The following CLINT1 variants were observed in gnomAD, a reference collection of about 807,000 sequenced individuals.
CLINT1 encodes the protein clathrin interacting protein localized in the trans-Golgi region.
CLINT1 carries 15 observed loss-of-function variants against 70.4 expected under a neutral mutation model. The ratio of observed to expected loss-of-function variants is 0.21; its 90% CI spans 0.14 to 0.33. The LOEUF is 0.33. Ranked by LOEUF, CLINT1 falls within the 10% of genes least tolerant of loss-of-function variation. The pLI, the probability that CLINT1 is intolerant of heterozygous loss-of-function variation, is 1.00. For missense variants in CLINT1, 615 were observed against 778.1 expected (o/e 0.79, Z 2.49); for synonymous variants, 227 against 254.7 (o/e 0.89, Z 1.04).
At chr5:157,791,513 AATG>A in intron 10 of CLINT1, 187 bp downstream of exon 10, 2 of 581,164 alleles carry the variant, frequency 3.4e-6, no homozygotes, top group Non-Finnish European at 5.9e-6. Flanking sequence ...CCAGAATGCA[AATG>A]ACTATGCTAG....
chr5:157,812,991 T>G lies in CLINT1; in HGVS notation c.517+72A>C. 2.7e-6 allele frequency: 4 copies of G among 1,473,202 alleles called. No homozygotes were observed. In the South Asian group the frequency reaches 5.2e-5, roughly 19 times the overall value. 91.3% of individuals were successfully genotyped at this position (1,473,202 alleles called of 1,614,324 possible). On this transcript the variant is annotated intron_variant, in intron 5 of 11. Transcript: ENST00000411809. ...AAAATTAGCATTTTGGTCTTTGGTA[T>G]TTCACTGATTCTTAAAATATACTCA...
chr5:157,830,752 CT>C (rs1561662675), intron 1 of CLINT1, among the ~76,000 whole-genome samples: 2 of 111,120 alleles, frequency 1.8e-5, no homozygotes, highest in African/African-American at 3.7e-5. Context: ...CCCTCCCTCT[CT>C]CTCCCTCTCT....
At chr5:157,809,913 G>A in intron 5 of CLINT1, 108 bp from the exon 6 acceptor site, 1 of 1,136,512 alleles carries the variant, frequency 8.8e-7, no homozygotes, top group Non-Finnish European at 1.2e-6. Flanking sequence ...CATTTTCAAA[G>A]GAAAACAGAA....
chr5:157,834,059 T>A (rs1392991368), intron 1 of CLINT1, among the ~76,000 whole-genome samples: 3 of 152,170 alleles, frequency 2.0e-5, no homozygotes, highest in African/African-American at 7.2e-5. Flanking sequence ...GCTCCAGTTC[T>A]GGCCAGGCAC....
chr5:157,827,578 A>T (rs1327996445), intron 1 of CLINT1, among the ~76,000 whole-genome samples: 3 of 152,230 alleles, frequency 2.0e-5, no homozygotes. Flanking sequence ...GCAACTTTTC[A>T]AGGAAATAGT....
At chr5:157,806,493 GA>G (rs3836884) in intron 6 of CLINT1, among the ~76,000 whole-genome samples, 20,337 of 152,128 alleles carry the variant, frequency 0.13, 1,775 homozygotes, top group African/African-American at 0.25. Context: ...TGCATGTGAT[GA>G]TTATTTTCTT....
chr5:157,831,484 G>C (rs937099315), intron 1 of CLINT1, among the ~76,000 whole-genome samples: 2 of 151,836 alleles, frequency 1.3e-5, no homozygotes, highest in Non-Finnish European at 2.9e-5. Context: ...CACCGTGCCC[G>C]GCCTTACTTA....
chr5:157,841,742 T>A, intron 1 of CLINT1, among the ~76,000 whole-genome samples: 1 of 152,114 alleles, frequency 6.6e-6, no homozygotes, highest in East Asian at 1.9e-4. Flanking sequence ...TGCCTCAGCC[T>A]CCTGAGTAGC....
rs144429051 is a variant in CLINT1 at position 157,814,988 on chromosome 5, G to A, written c.244-695C>T. The stretch of plus-strand genomic sequence containing the variant: ...GTGGAGGTTGCAGTGAGCTGAGCCC[G>A]CACCACTGCACTCCAGCCTCGGCGA... On this transcript the variant is annotated intron_variant, in intron 3 of 11. Coordinates refer to ENST00000411809, the MANE Select transcript of CLINT1 (RefSeq NM_014666.4). 3.5e-3 allele frequency among the ~76,000 whole-genome samples: 510 copies of A among 146,014 alleles called. 13 individuals carry two copies. The East Asian group carries it at 0.051, about 14-fold the overall frequency.
intron 1 of CLINT1, among the ~76,000 whole-genome samples, chr5:157,846,053 T>C (rs566071873): frequency 4.1e-4 from 63 of 152,306 alleles, no homozygotes; most frequent in African/African-American, 1.4e-3. Flanking sequence ...TCCTCTGGCA[T>C]CTCTATTCCC....
At chr5:157,794,854 C>CT in intron 9 of CLINT1, 44 bp downstream of exon 9, 1 of 1,471,338 alleles carries the variant, frequency 6.8e-7, no homozygotes, top group Non-Finnish European at 9.3e-7. Context: ...TTTTAATAAC[C>CT]TTTTTACCAC....
At chr5:157,810,115 G>A (rs1444101349) in intron 5 of CLINT1, among the ~76,000 whole-genome samples, 1 of 152,134 alleles carries the variant, frequency 6.6e-6, no homozygotes, top group Non-Finnish European at 1.5e-5. Flanking sequence ...ACCAACACAA[G>A]CTATATAAGC....
rs755117008 is a variant in CLINT1, at chr5:157,813,202, T to C, written c.378A>G (p.Ile126Met). 6.2e-7 allele frequency: 1 copy of C among 1,613,402 alleles called. No homozygotes were observed. The highest frequency in any genetic ancestry group is 2.2e-5 in the East Asian group (1 of 44,848). Residue 126 changes from isoleucine (I) to methionine (M), a missense_variant, in exon 5 of 12, where the codon ATA becomes ATG. Transcript: ENST00000411809. ...ATTCCTTCACCTTCTGTCGAATATT[T>C]ATACCTTGATCCTTACCATGCTCAT... ...FVDEHGKDQG[I>M]NIRQKVKELV...
intron 10 of CLINT1, 126 bp from the exon 11 acceptor site, chr5:157,789,639 C>CAACAATG (rs1761841949): frequency 5.8e-6 from 7 of 1,216,558 alleles, no homozygotes; most frequent in African/African-American, 4.5e-5. Context: ...AATTTAATCA[C>CAACAATG]AACAATGAAC....
At chr5:157,852,473 T>C (rs1753607600) in intron 1 of CLINT1, among the ~76,000 whole-genome samples, 1 of 152,234 alleles carries the variant, frequency 6.6e-6, no homozygotes, top group Non-Finnish European at 1.5e-5. Context: ...TAACCTAGTC[T>C]GACAATGATA....
chr5:157,788,968 GAAAAAAAA>G (rs58634730), intron 11 of CLINT1, among the ~76,000 whole-genome samples: 57 of 95,604 alleles, frequency 6.0e-4, no homozygotes, highest in African/African-American at 1.6e-3. Context: ...CTCCATCTCA[GAAAAAAAA>G]AAAAAAAAAA....
rs377094963 is a variant in CLINT1 at position 157,787,814 on chromosome 5, C to T, written c.1710G>A (p.Pro570=). 80 of 1,613,846 alleles carry T rather than the reference C, an allele frequency of 5.0e-5. No homozygotes were observed. The African/African-American group carries it at 8.4e-4, about 17-fold the overall frequency. ...TMGMAPLGNT[P]MMNQSMMGMN... is the part of the protein sequence containing the mutation. ...TGCCCATCATGCTCTGGTTCATCAT[C>T]GGAGTATTTCCAAGAGGGGCCATTC... The change falls in exon 12 of 12, where the codon CCG becomes CCA. Residue 570 remains proline (P), a synonymous_variant. Transcript: ENST00000411809.
intron 10 of CLINT1, 182 bp downstream of exon 10, chr5:157,791,521 T>A: frequency 1.6e-6 from 1 of 609,490 alleles, no homozygotes. Flanking sequence ...CAAATGACTA[T>A]GCTAGGGGAG....
intron 3 of CLINT1, among the ~76,000 whole-genome samples, chr5:157,814,862 G>A (rs1762668084): frequency 1.3e-5 from 2 of 151,726 alleles, no homozygotes; most frequent in African/African-American, 4.8e-5. Flanking sequence ...GTGAAACCTC[G>A]TCTCTACTAA....
Sources: gnomAD v4.1 joint callset for allele counts (sites outside exome capture counted in the v4.1 genomes callset) on GRCh38, gnomAD v4.1.1 for gene constraint, MANE v1.5 for transcripts, NCBI Gene and HGNC (gene_info 2026-07-23, HGNC 2026-07-21) for gene names.